TBC1D22B: variants seen among roughly 807,000 people sequenced by gnomAD.
TBC1D22B encodes the protein TBC1 domain family member 22B, also known as chromosome 6 open reading frame 197.
Under a neutral mutation model 69.1 loss-of-function variants are expected in TBC1D22B, and 32 were observed. The observed-to-expected ratio is 0.46, with a 90% CI of 0.35 to 0.62. The LOEUF (loss-of-function observed/expected upper bound fraction) is 0.62, where lower values mean the gene tolerates loss of function less well. TBC1D22B is among the 20% of genes least tolerant of loss of function. TBC1D22B has a pLI of 0.00. For synonymous variants in TBC1D22B, 206 were observed against 229.8 expected, an observed-to-expected ratio of 0.90 and a Z score of 0.94; for missense variants, 462 against 630.9, an observed-to-expected ratio of 0.73 and a Z score of 2.87.
At chr6:37,309,094 T>A (rs1767825145) in intron 8 of TBC1D22B, among the ~76,000 whole-genome samples, 1 of 152,238 alleles carries the variant, frequency 6.6e-6, no homozygotes, top group African/African-American at 2.4e-5. Flanking sequence ...ATATATTAAC[T>A]AACTTATTTA....
chr6:37,260,679 CCTA>C (rs1403395684), intron 1 of TBC1D22B, among the ~76,000 whole-genome samples: 2 of 152,150 alleles, frequency 1.3e-5, no homozygotes, highest in African/African-American at 4.8e-5. Flanking sequence ...TAACTACTAA[CCTA>C]CTTTCTGTTT....
At chr6:37,321,903 CT>C (rs1368841322) in intron 12 of TBC1D22B, among the ~76,000 whole-genome samples, 3 of 152,120 alleles carry the variant, frequency 2.0e-5, no homozygotes, top group Non-Finnish European at 4.4e-5. Flanking sequence ...TGGGTGTGTA[CT>C]TATGTAAAAA....
intron 12 of TBC1D22B, among the ~76,000 whole-genome samples, chr6:37,324,613 A>G (rs1446274989): frequency 6.6e-6 from 1 of 152,220 alleles, no homozygotes; most frequent in Non-Finnish European, 1.5e-5. Flanking sequence ...AAGCCTTACT[A>G]TGAGTCCAAG....
At chr6:37,272,873 C>T (rs952288863) in intron 2 of TBC1D22B, among the ~76,000 whole-genome samples, 3 of 152,226 alleles carry the variant, frequency 2.0e-5, no homozygotes, top group East Asian at 1.9e-4. Flanking sequence ...GCTCAAGAAC[C>T]GTAATTTTGT....
chr6:37,317,007 A>C, intron 11 of TBC1D22B, 104 bp from the exon 12 acceptor site: 1 of 1,454,150 alleles, frequency 6.9e-7, no homozygotes, highest in East Asian at 2.4e-5. Flanking sequence ...CATCTCCCCA[A>C]CCGTGAAAGA....
intron 8 of TBC1D22B, among the ~76,000 whole-genome samples, chr6:37,293,620 G>A (rs987831128): frequency 3.7e-4 from 57 of 152,248 alleles, no homozygotes; most frequent in Admixed American, 1.8e-3. Context: ...ACCCTGCAAA[G>A]GCTTGTAAGT....
At chr6:37,316,132 G>A (rs1045022974) in intron 10 of TBC1D22B, among the ~76,000 whole-genome samples, 2 of 152,300 alleles carry the variant, frequency 1.3e-5, no homozygotes, top group Admixed American at 6.5e-5. Flanking sequence ...AATATCACAC[G>A]AACACCAAAG....
intron 6 of TBC1D22B, among the ~76,000 whole-genome samples, chr6:37,286,679 C>T (rs1477697280): frequency 2.0e-5 from 3 of 151,834 alleles, no homozygotes; most frequent in African/African-American, 7.3e-5. Flanking sequence ...CACGGTGGCT[C>T]ACACCTGCAA....
At chr6:37,316,230 C>T (rs1768073521) in intron 10 of TBC1D22B, among the ~76,000 whole-genome samples, 1 of 152,182 alleles carries the variant, frequency 6.6e-6, no homozygotes, top group Non-Finnish European at 1.5e-5. Context: ...AGAGGCTTCC[C>T]TTGAGTGGAG....
At position 37,257,901 on chromosome 6, in the gene TBC1D22B, T is replaced by A. The variant is rs995769825; in HGVS notation, c.-17T>A. On this transcript the variant is annotated 5_prime_UTR_variant, in exon 1 of 13. Coordinates refer to ENST00000373491, the MANE Select transcript of TBC1D22B (RefSeq NM_017772.4). ...AAACCCTTGGCCCGCCTACAAGGACTTCCCCCGGCCAGAGCAATGGCCGCT... is the reference window on the plus strand; with the variant it reads ...AAACCCTTGGCCCGCCTACAAGGACATCCCCCGGCCAGAGCAATGGCCGCT... 1 of 1,612,996 alleles carries A rather than the reference T, an allele frequency of 6.2e-7. No individual in the cohort carries two copies. Among genetic ancestry groups the A allele is most frequent in the Middle Eastern group, 1.7e-4 (1 of 6,050 alleles).
chr6:37,303,135 C>T (rs1767616029), intron 8 of TBC1D22B, among the ~76,000 whole-genome samples: 1 of 152,168 alleles, frequency 6.6e-6, no homozygotes, highest in Non-Finnish European at 1.5e-5. Context: ...CTCGTGGGCA[C>T]ACCTAGCAGC....
chr6:37,269,695 CT>C (rs1251523533), intron 2 of TBC1D22B, 45 bp downstream of exon 2: 8 of 1,553,494 alleles, frequency 5.1e-6, no homozygotes, highest in Middle Eastern at 1.7e-4. Flanking sequence ...GCTGTCACCC[CT>C]ATACCCTCCC....
intron 8 of TBC1D22B, among the ~76,000 whole-genome samples, chr6:37,296,273 A>G (rs1466006609): frequency 6.6e-6 from 1 of 151,880 alleles, no homozygotes; most frequent in African/African-American, 2.4e-5. Context: ...AAAAATAATA[A>G]TAAATAAAAA....
intron 6 of TBC1D22B, among the ~76,000 whole-genome samples, chr6:37,285,314 A>ATT (rs1766968884): frequency 3.0e-5 from 1 of 32,804 alleles, no homozygotes; most frequent in Non-Finnish European, 5.9e-5. Flanking sequence ...GTCCTTCCCC[A>ATT]CTTTTTTTTT....
intron 1 of TBC1D22B, among the ~76,000 whole-genome samples, chr6:37,269,012 A>G (rs1020057770): frequency 3.8e-4 from 58 of 152,116 alleles, no homozygotes; most frequent in Admixed American, 7.2e-4. Context: ...AGTCTTATAT[A>G]TATCTCCTAA....
In TBC1D22B at chr6:37,312,959, G is replaced by C. The variant is rs1473664786; in HGVS notation, c.1024G>C (p.Asp342His). The C allele has an allele frequency of 1.2e-6, 2 of 1,614,216 alleles. No homozygotes were observed. The highest frequency in any genetic ancestry group is 3.3e-5 in the Admixed American group (2 of 60,030). ...CTTTGACGTGACCAACTTGTCTCAA[G>C]ACATGCTGCGAAGCATTGAGGCTGA... is the stretch of plus-strand genomic sequence containing the variant. Reference protein sequence around the residue: ...ENFDVTNLSQDMLRSIEADSF... With the variant: ...ENFDVTNLSQHMLRSIEADSF... The change falls in exon 9 of 13, where the codon GAC (aspartate) becomes CAC (histidine). Residue 342 changes from aspartate (D) to histidine (H), a missense_variant. Asp to His is a moderately conservative substitution (Grantham distance 81). Around this residue, in one of 2 missense-constraint regions of TBC1D22B, gnomAD observed 225 missense variants for 375.4 expected, o/e 0.60. Coordinates refer to ENST00000373491, the MANE Select transcript of TBC1D22B (RefSeq NM_017772.4).
chr6:37,280,288 G>A (rs772477433), intron 3 of TBC1D22B, among the ~76,000 whole-genome samples: 11 of 152,152 alleles, frequency 7.2e-5, no homozygotes, highest in African/African-American at 2.2e-4. Flanking sequence ...TGCCCTAATG[G>A]GTTTTATAAA....
intron 3 of TBC1D22B, among the ~76,000 whole-genome samples, chr6:37,280,164 T>C (rs1206441610): frequency 6.6e-6 from 1 of 152,194 alleles, no homozygotes; most frequent in Non-Finnish European, 1.5e-5. Flanking sequence ...AGTAGAGGCC[T>C]CTCTGTTTCT....
Position 37,310,198 on chromosome 6 carries a change from A to G in TBC1D22B, c.983-2720A>G, listed in dbSNP as rs376830459. Among the ~76,000 whole-genome samples, 23 of 148,112 alleles carry G rather than the reference A, an allele frequency of 1.6e-4. 1 individual carries two copies. The highest frequency in any genetic ancestry group is 1.0e-3 in the Admixed American group (15 of 14,852). ...AAAATATGTATGTATACTACCATATATAAGAAAACAAATATGTATATATAC... is the reference window on the plus strand; with the variant it reads ...AAAATATGTATGTATACTACCATATGTAAGAAAACAAATATGTATATATAC... On this transcript the variant is annotated intron_variant, in intron 8 of 12. Coordinates refer to ENST00000373491, the MANE Select transcript of TBC1D22B (RefSeq NM_017772.4).
Sources: gnomAD v4.1 joint callset for allele counts (sites outside exome capture counted in the v4.1 genomes callset) on GRCh38, gnomAD v4.1.1 for gene constraint, gnomAD v4.1.1 regional missense constraint, MANE v1.5 for transcripts, NCBI Gene and HGNC (gene_info 2026-07-23, HGNC 2026-07-21) for gene names.